PPFIA2: variants seen among roughly 807,000 people sequenced by gnomAD.
PPFIA2 encodes the protein PPFI scaffold protein A2.
A neutral mutation model predicts 175.5 loss-of-function variants in PPFIA2; 46 were observed. The ratio of observed to expected loss-of-function variants is 0.26; its 90% CI spans 0.21 to 0.34. The LOEUF (loss-of-function observed/expected upper bound fraction) is 0.34. PPFIA2 is among the 10% of genes least tolerant of loss of function. PPFIA2 has a pLI of 1.00. For synonymous variants in PPFIA2, 568 were observed against 511.4 expected (o/e 1.11, Z -1.49); for missense variants, 1,179 against 1,506.1 (o/e 0.78, Z 3.60).
At chr12:81,721,764 C>G (rs1235680972) in intron 3 of PPFIA2, among the ~76,000 whole-genome samples, 1 of 151,202 alleles carries the variant, frequency 6.6e-6, no homozygotes, top group Non-Finnish European at 1.5e-5. Flanking sequence ...AGCAGCCACA[C>G]ATTTTTTAGT....
chr12:81,375,964 A>T (rs372102417), intron 9 of PPFIA2, 22 bp from the exon 10 acceptor site: 6 of 1,594,238 alleles, frequency 3.8e-6, no homozygotes, highest in Non-Finnish European at 4.3e-6. Context: ...ATAATTTAGA[A>T]AAAGCAAATC....
intron 3 of PPFIA2, among the ~76,000 whole-genome samples, chr12:81,704,278 C>T (rs1472499941): frequency 6.6e-6 from 1 of 152,008 alleles, no homozygotes; most frequent in Non-Finnish European, 1.5e-5. Context: ...AATTGTCATC[C>T]AAAAATATTA....
chr12:81,259,865 T>C lies in PPFIA2; in HGVS notation c.*34-205A>G, dbSNP rs552469125. ...ATTTGGTGCAGGGGAGCTTAACAAA[T>C]AATAGAATTTGCTCAACTTTGTGGA... On this transcript the variant is annotated intron_variant, in intron 32 of 32. Transcript: ENST00000549396. The C allele has an allele frequency of 4.7e-4, 190 of 400,942 alleles. 2 individuals carry two copies. The highest frequency in any genetic ancestry group is 7.7e-4 in the Middle Eastern group (2 of 2,586). 24.8% of individuals were successfully genotyped at this position (400,942 alleles called of 1,614,324 possible).
intron 4 of PPFIA2, among the ~76,000 whole-genome samples, chr12:81,513,771 A>G (rs1056235652): frequency 1.2e-4 from 18 of 152,072 alleles, no homozygotes; most frequent in African/African-American, 4.3e-4. Context: ...TCAGGCATAC[A>G]TAGGTGGGTA....
intron 4 of PPFIA2, among the ~76,000 whole-genome samples, chr12:81,614,043 A>C (rs1352874434): frequency 1.3e-5 from 2 of 152,214 alleles, no homozygotes; most frequent in East Asian, 3.9e-4. Context: ...CTAACCACCA[A>C]ACTATATTAT....
intron 4 of PPFIA2, among the ~76,000 whole-genome samples, chr12:81,486,150 AT>A (rs2058789474): frequency 1.3e-5 from 2 of 151,914 alleles, no homozygotes; most frequent in Non-Finnish European, 2.9e-5. Flanking sequence ...GGCACTTAAT[AT>A]GTATCAGCTT....
intron 4 of PPFIA2, among the ~76,000 whole-genome samples, chr12:81,566,749 G>A (rs953109983): frequency 6.6e-6 from 1 of 151,930 alleles, no homozygotes; most frequent in Non-Finnish European, 1.5e-5. Flanking sequence ...GTGGTTATTT[G>A]TGTCCCATAT....
At chr12:81,568,785 T>C (rs1288152228) in intron 4 of PPFIA2, among the ~76,000 whole-genome samples, 1 of 152,158 alleles carries the variant, frequency 6.6e-6, no homozygotes, top group East Asian at 1.9e-4. Context: ...CCCATCTTGA[T>C]GGAGAGGAAT....
intron 24 of PPFIA2, among the ~76,000 whole-genome samples, chr12:81,288,304 G>A (rs892154789): frequency 6.6e-6 from 1 of 151,706 alleles, no homozygotes; most frequent in East Asian, 1.9e-4. Flanking sequence ...TATAATTTAA[G>A]GAAACATTCA....
At chr12:81,381,014 A>G (rs7966320) in intron 9 of PPFIA2, among the ~76,000 whole-genome samples, 4 of 150,358 alleles carry the variant, frequency 2.7e-5, no homozygotes. Flanking sequence ...ATACAAAAAA[A>G]AAAAAGTGAT....
chr12:81,719,731 C>T (rs1170547648), intron 3 of PPFIA2, among the ~76,000 whole-genome samples: 1 of 151,372 alleles, frequency 6.6e-6, no homozygotes, highest in Non-Finnish European at 1.5e-5. Context: ...CCTGAAATTT[C>T]AATAATATAT....
At chr12:81,352,121 G>A (rs558618482) in intron 17 of PPFIA2, among the ~76,000 whole-genome samples, 115 of 152,078 alleles carry the variant, frequency 7.6e-4, no homozygotes, top group African/African-American at 2.4e-3. Context: ...TTCATAGGCC[G>A]AAGCTGTAAA....
At chr12:81,635,920 T>TCTCTCA (rs374588850) in intron 4 of PPFIA2, among the ~76,000 whole-genome samples, 2 of 150,734 alleles carry the variant, frequency 1.3e-5, no homozygotes, top group African/African-American at 4.9e-5. Context: ...TCTCTCTCTC[T>TCTCTCA]CACACACACA....
At chr12:81,501,477 T>A (rs2060590197) in intron 4 of PPFIA2, among the ~76,000 whole-genome samples, 1 of 152,172 alleles carries the variant, frequency 6.6e-6, no homozygotes. Context: ...CTGAATACTG[T>A]GTAAGCTCCA....
At chr12:81,577,665 G>A (rs2073790059) in intron 4 of PPFIA2, among the ~76,000 whole-genome samples, 1 of 151,880 alleles carries the variant, frequency 6.6e-6, no homozygotes, top group African/African-American at 2.4e-5. Context: ...TAGGTAAAGT[G>A]AGGTGCAAAG....
At chr12:81,427,575 T>G (rs1377430747) in intron 7 of PPFIA2, among the ~76,000 whole-genome samples, 1 of 152,020 alleles carries the variant, frequency 6.6e-6, no homozygotes, top group Non-Finnish European at 1.5e-5. Context: ...AAATAAGGTA[T>G]TTGTTTATTC....
chr12:81,700,772 A>G (rs2076394411), intron 3 of PPFIA2, among the ~76,000 whole-genome samples: 1 of 152,140 alleles, frequency 6.6e-6, no homozygotes, highest in Non-Finnish European at 1.5e-5. Context: ...AAAAACCAAA[A>G]TAACTAACAT....
intron 4 of PPFIA2, among the ~76,000 whole-genome samples, chr12:81,578,143 A>T (rs1013848126): frequency 1.3e-5 from 2 of 151,724 alleles, no homozygotes; most frequent in South Asian, 2.1e-4. Context: ...GTCTTTAAGC[A>T]TGGTAGCTGG....
chr12:81,756,361 A>T (rs2084660763), intron 2 of PPFIA2, among the ~76,000 whole-genome samples: 1 of 152,156 alleles, frequency 6.6e-6, no homozygotes, highest in Non-Finnish European at 1.5e-5. Flanking sequence ...TCCAAGGCAA[A>T]GCATAACAGC....
Sources: gnomAD v4.1 joint callset for allele counts (sites outside exome capture counted in the v4.1 genomes callset) on GRCh38, gnomAD v4.1.1 for gene constraint, MANE v1.5 for transcripts, NCBI Gene and HGNC (gene_info 2026-07-23, HGNC 2026-07-21) for gene names.